Variants in SIRPG observed in about 807,000 individuals in gnomAD.
SIRPG encodes the protein signal regulatory protein gamma, also known as signal-regulatory protein gamma.
SIRPG carries 38 observed loss-of-function variants against 35.7 expected under a neutral mutation model. That is an observed-to-expected ratio of 1.06 (90% confidence interval 0.82 to 1.40). The LOEUF (loss-of-function observed/expected upper bound fraction) is 1.40, where lower values mean the gene tolerates loss of function less well. SIRPG is among the 40% of genes most tolerant of loss of function. SIRPG has a pLI of 0.00. For missense variants in SIRPG, 519 were observed against 483.0 expected (o/e 1.07, Z -0.70); for synonymous variants, 215 against 190.4 (o/e 1.13, Z -1.06).
the SIRPG span, among the ~76,000 whole-genome samples, chr20:1,664,067 A>G: frequency 6.6e-5 from 10 of 151,904 alleles, no homozygotes. Context: ...GAGAGGAAGG[A>G]AGAGAGAGAG....
chr20:1,671,175 T>C, the SIRPG span: 2 of 318,348 alleles, frequency 6.3e-6, no homozygotes, highest in South Asian at 3.1e-5. Flanking sequence ...CAGTGCATGA[T>C]ACCACAGGGG....
intron 1 of SIRPG, chr20:1,651,510 C>A (rs374904505): frequency 6.6e-6 from 1 of 152,324 alleles, no homozygotes; most frequent in African/African-American, 2.4e-5. Flanking sequence ...GTGTGGCATG[C>A]CCTACCCAGC....
intron 2 of SIRPG, among the ~76,000 whole-genome samples, chr20:1,643,913 C>T (rs1003406639): frequency 2.0e-5 from 3 of 152,132 alleles, no homozygotes; most frequent in Non-Finnish European, 2.9e-5. Flanking sequence ...CTTGAAGAGG[C>T]TGGAGAACGG....
At chr20:1,670,126 G>T in the SIRPG span, 12 of 255,182 alleles carry the variant, frequency 4.7e-5, no homozygotes. Context: ...ACACATTTCT[G>T]TTCTCCAACC....
chr20:1,654,800 G>T (rs1600227566), intron 1 of SIRPG, among the ~76,000 whole-genome samples: 1 of 152,136 alleles, frequency 6.6e-6, no homozygotes, highest in Non-Finnish European at 1.5e-5. Context: ...TAAGGAGTCA[G>T]TATACAAAAT....
At chr20:1,677,937 C>A in the SIRPG span, among the ~76,000 whole-genome samples, 2 of 152,192 alleles carry the variant, frequency 1.3e-5, no homozygotes, top group Admixed American at 1.3e-4. Flanking sequence ...TCTTGACACA[C>A]ACCCACATGC....
chr20:1,645,227 A>AT (rs1243173492), intron 2 of SIRPG, among the ~76,000 whole-genome samples: 2 of 151,734 alleles, frequency 1.3e-5, no homozygotes, highest in African/African-American at 4.8e-5. Context: ...TTTCCACCAC[A>AT]TTTTTTCTGA....
chr20:1,678,094 C>T, the SIRPG span, among the ~76,000 whole-genome samples: 1 of 152,116 alleles, frequency 6.6e-6, no homozygotes, highest in African/African-American at 2.4e-5. Flanking sequence ...AGTCTCTGTT[C>T]TTTGCCTTTA....
At chr20:1,646,136 G>A (rs186184117) in intron 2 of SIRPG, 2 of 152,334 alleles carry the variant, frequency 1.3e-5, no homozygotes, top group East Asian at 1.9e-4. Flanking sequence ...GGCACCTTCT[G>A]TGTCCCACCA....
At chr20:1,649,970 C>T (rs1025751416) in intron 1 of SIRPG, among the ~76,000 whole-genome samples, 1 of 128,612 alleles carries the variant, frequency 7.8e-6, no homozygotes, top group Non-Finnish European at 1.6e-5. Context: ...GGTTGAGGAC[C>T]TGAATAGAAC....
chr20:1,645,797 G>C (rs1357819901), intron 2 of SIRPG, among the ~76,000 whole-genome samples: 6 of 152,176 alleles, frequency 3.9e-5, no homozygotes, highest in Non-Finnish European at 7.3e-5. Flanking sequence ...CCGAAGCTCA[G>C]TGATAAACCA....
chr20:1,680,345 G>A, the SIRPG span, among the ~76,000 whole-genome samples: 1 of 152,096 alleles, frequency 6.6e-6, no homozygotes, highest in Non-Finnish European at 1.5e-5. Flanking sequence ...GGGATCCCCT[G>A]GTCTGGAGTA....
chr20:1,667,417 G>A, the SIRPG span, among the ~76,000 whole-genome samples: 1 of 152,170 alleles, frequency 6.6e-6, no homozygotes, highest in Non-Finnish European at 1.5e-5. Context: ...TGAGACCTTG[G>A]TTCTTGTCTT....
At chr20:1,658,310 G>T (rs543362535), upstream of SIRPG, among the ~76,000 whole-genome samples, 1 of 152,328 alleles carries the variant, frequency 6.6e-6, no homozygotes, top group South Asian at 2.1e-4. Context: ...TCATGTGCCT[G>T]CACCCAGCAG....
chr20:1,648,458 A>C (rs2091913382), intron 2 of SIRPG: 2 of 152,176 alleles, frequency 1.3e-5, no homozygotes, highest in African/African-American at 4.8e-5. Flanking sequence ...AAAGAAAAAC[A>C]CGATTTACAC....
At chr20:1,659,280 C>A (rs377564794), upstream of SIRPG, among the ~76,000 whole-genome samples, 9 of 152,204 alleles carry the variant, frequency 5.9e-5, no homozygotes, top group African/African-American at 1.9e-4. Flanking sequence ...GTTTTAGGTT[C>A]TTAATCTGTC....
At chr20:1,670,650 C>G in the SIRPG span, among the ~76,000 whole-genome samples, 1 of 152,150 alleles carries the variant, frequency 6.6e-6, no homozygotes, top group South Asian at 2.1e-4. Context: ...ATCTAGCAAG[C>G]TAGCAAGCTA....
intron 2 of SIRPG, among the ~76,000 whole-genome samples, chr20:1,638,010 T>C (rs1383449095): frequency 6.6e-6 from 1 of 152,232 alleles, no homozygotes; most frequent in Non-Finnish European, 1.5e-5. Context: ...AAACATTTTA[T>C]GGGCACAGTA....
At chr20:1,629,890 T>A (rs2122384487) in intron 5 of SIRPG, among the ~76,000 whole-genome samples, 1 of 152,232 alleles carries the variant, frequency 6.6e-6, no homozygotes, top group East Asian at 1.9e-4. Flanking sequence ...TCAACATTAG[T>A]TTACAATGTG....
Sources: allele counts gnomAD v4.1 joint callset (sites outside exome capture counted in the v4.1 genomes callset), GRCh38; gene constraint gnomAD v4.1.1; transcripts MANE v1.5; gene names NCBI Gene and HGNC (gene_info 2026-07-23, HGNC 2026-07-21).